The following PALD1 variants were observed in gnomAD, a reference collection of about 807,000 sequenced individuals.
PALD1 encodes the protein paladin.
Under a neutral mutation model 96.0 loss-of-function variants are expected in PALD1, and 57 were observed. The ratio of observed to expected loss-of-function variants is 0.59; its 90% CI spans 0.48 to 0.74. PALD1 has a LOEUF of 0.74. Ranked by LOEUF, PALD1 falls within the 30% of genes least tolerant of loss-of-function variation. PALD1 has a pLI of 0.00. For synonymous variants in PALD1, 464 were observed against 473.6 expected (o/e 0.98, Z 0.26); for missense variants, 1,063 against 1,143.7 (o/e 0.93, Z 1.02).
At chr10:70,521,554 A>G (rs1418683147) in intron 1 of PALD1, among the ~76,000 whole-genome samples, 1 of 151,502 alleles carries the variant, frequency 6.6e-6, no homozygotes, top group Non-Finnish European at 1.5e-5. Context: ...TTTTTTCGAG[A>G]TGGAGTCTTG....
chr10:70,549,045 C>T (rs1410926658), intron 18 of PALD1, among the ~76,000 whole-genome samples: 1 of 44,256 alleles, frequency 2.3e-5, no homozygotes, highest in Non-Finnish European at 4.6e-5. Context: ...CTTGTCTCTA[C>T]CAAAAAAAAA....
the PALD1 span, among the ~76,000 whole-genome samples, chr10:70,467,133 C>A: frequency 6.6e-5 from 10 of 151,998 alleles, no homozygotes; most frequent in Non-Finnish European, 1.2e-4. Flanking sequence ...AGCCAGGAGA[C>A]CAGCTTCTGG....
At chr10:70,519,920 A>T (rs1846695980) in intron 1 of PALD1, among the ~76,000 whole-genome samples, 1 of 152,162 alleles carries the variant, frequency 6.6e-6, no homozygotes, top group African/African-American at 2.4e-5. Flanking sequence ...CAAAACATTC[A>T]GACCACAACA....
intron 5 of PALD1, 43 bp downstream of exon 5, chr10:70,531,497 C>G: frequency 6.4e-7 from 1 of 1,560,738 alleles, no homozygotes; most frequent in Non-Finnish European, 8.7e-7. Context: ...GCCCACAGCC[C>G]AGCTTTGCAG....
intron 18 of PALD1, among the ~76,000 whole-genome samples, chr10:70,559,336 G>A (rs917733082): frequency 1.3e-5 from 2 of 152,168 alleles, no homozygotes; most frequent in Admixed American, 1.3e-4. Context: ...TAGGGAACTG[G>A]AGGGCAGGAG....
At chr10:70,461,855 CA>C in the PALD1 span, among the ~76,000 whole-genome samples, 3 of 152,172 alleles carry the variant, frequency 2.0e-5, no homozygotes, top group Admixed American at 6.5e-5. Flanking sequence ...TGCAATGGCA[CA>C]ATCATGACTA....
At chr10:70,468,179 C>T in the PALD1 span, among the ~76,000 whole-genome samples, 1 of 152,062 alleles carries the variant, frequency 6.6e-6, no homozygotes, top group Non-Finnish European at 1.5e-5. Context: ...TGGAGCCTGG[C>T]CCCTGGGCTT....
At chr10:70,499,453 A>T (rs1332472357) in intron 1 of PALD1, among the ~76,000 whole-genome samples, 1 of 152,214 alleles carries the variant, frequency 6.6e-6, no homozygotes, top group Non-Finnish European at 1.5e-5. Flanking sequence ...TGGGCCTCAG[A>T]GCCCGCAGTG....
At chr10:70,469,453 CAAGCCAGCG>C in the PALD1 span, among the ~76,000 whole-genome samples, 5 of 152,168 alleles carry the variant, frequency 3.3e-5, no homozygotes, top group Non-Finnish European at 7.3e-5. Context: ...AGGGGCCTTC[CAAGCCAGCG>C]GAGCTCCGGC....
At chr10:70,501,856 T>C (rs1846305169) in intron 1 of PALD1, among the ~76,000 whole-genome samples, 1 of 101,622 alleles carries the variant, frequency 9.8e-6, no homozygotes, top group African/African-American at 2.9e-5. Context: ...TGCATACCTG[T>C]GTTCATGCAC....
intron 1 of PALD1, among the ~76,000 whole-genome samples, chr10:70,508,481 C>G (rs778392026): frequency 3.3e-5 from 5 of 152,188 alleles, no homozygotes; most frequent in Non-Finnish European, 5.9e-5. Flanking sequence ...ATGCTGCGCC[C>G]TGAGTCCAGC....
the PALD1 span, among the ~76,000 whole-genome samples, chr10:70,463,496 G>T: frequency 2.0e-5 from 3 of 152,156 alleles, no homozygotes; most frequent in South Asian, 6.2e-4. Context: ...AAAGTCTCCA[G>T]ACATAATTCT....
In PALD1 at chr10:70,532,495, C is replaced by G. The variant is rs535061702; in HGVS notation, c.634-126C>G. 55 of 927,422 alleles carry G rather than the reference C, an allele frequency of 5.9e-5. No individual in the cohort carries two copies. The South Asian group carries it at 8.4e-4, about 14-fold the overall frequency. 57.4% of individuals were successfully genotyped at this position (927,422 alleles called of 1,614,324 possible). On this transcript the variant is annotated intron_variant, in intron 5 of 19. Transcript: ENST00000263563. ...AGAGCACTTCTGGCTGTGTAGTTCC[C>G]TCATGGGGGGCAGAAGCCTGCCTGT...
chr10:70,529,232 C>T lies in PALD1; in HGVS notation c.189C>T (p.Tyr63=). Residue 63 remains tyrosine (Y), a synonymous_variant, in exon 3 of 20, where the codon TAC becomes TAT. Coordinates refer to ENST00000263563, the MANE Select transcript of PALD1 (RefSeq NM_014431.3). ...TGCCCCCCCCCCCCCCCCCCAGGTA[C>T]AACTGCAAGGAGGAGTTCCAGATCC... ...PNKVAPVVIT[Y]NCKEEFQIHD... 1.5e-6 allele frequency: 1 copy of T among 677,622 alleles called. No individual in the cohort carries two copies. Among genetic ancestry groups the T allele is most frequent in the Non-Finnish European group, 2.4e-6 (1 of 416,602 alleles). The allele number at this position is 677,622 out of a possible 1,614,324, so 42.0% of individuals were successfully genotyped here. A position where few individuals can be genotyped will look rare whatever the true frequency, so the allele number is the denominator to read the frequency against.
At chr10:70,478,065 T>G (rs1337309543), upstream of PALD1, among the ~76,000 whole-genome samples, 9 of 132,810 alleles carry the variant, frequency 6.8e-5, no homozygotes, top group Non-Finnish European at 1.4e-4. Flanking sequence ...AGGCCTATGG[T>G]GCGGGTCACT....
Position 70,537,848 on chromosome 10 carries a change from T to G in PALD1, c.1265T>G (p.Leu422Arg). The G allele has an allele frequency of 6.2e-7, 1 of 1,613,874 alleles. No homozygotes were observed. The highest frequency in any genetic ancestry group is 8.5e-7 in the Non-Finnish European group (1 of 1,179,868). Reference sequence around the variant, plus strand: ...CGACACAGCGTCTGGCAGAGGGCGCTGTGGAGCCTGGAGCGATACTTCTAC... The same window carrying G: ...CGACACAGCGTCTGGCAGAGGGCGCGGTGGAGCCTGGAGCGATACTTCTAC... ...GSRHSVWQRA[L>R]WSLERYFYLI... The change falls in exon 11 of 20, where the codon CTG (leucine) becomes CGG (arginine). Residue 422 changes from leucine (L) to arginine (R), a missense_variant. Transcript: ENST00000263563.
At chr10:70,477,088 CT>C (rs1477114635), upstream of PALD1, among the ~76,000 whole-genome samples, 1 of 152,138 alleles carries the variant, frequency 6.6e-6, no homozygotes, top group South Asian at 2.1e-4. Context: ...ACACATGTTG[CT>C]CCTACCTTAG....
chr10:70,529,400 C>T, intron 3 of PALD1, 69 bp downstream of exon 3: 1 of 750,262 alleles, frequency 1.3e-6, no homozygotes, highest in Admixed American at 2.0e-5. Context: ...AATTCCCTCC[C>T]TCACCTCCCT....
chr10:70,484,188 A>T (rs1054589510), intron 1 of PALD1, among the ~76,000 whole-genome samples: 1 of 152,096 alleles, frequency 6.6e-6, no homozygotes, highest in Non-Finnish European at 1.5e-5. Context: ...TTTTTAATAG[A>T]GATGGGGTTT....
Sources: gnomAD v4.1 joint callset for allele counts (sites outside exome capture counted in the v4.1 genomes callset) on GRCh38, gnomAD v4.1.1 for gene constraint, MANE v1.5 for transcripts, NCBI Gene and HGNC (gene_info 2026-07-23, HGNC 2026-07-21) for gene names.